The following CALD1 variants were observed in gnomAD, a reference collection of about 807,000 sequenced individuals.
CALD1 encodes the protein caldesmon.
CALD1 carries 33 observed loss-of-function variants against 99.9 expected under a neutral mutation model. The observed-to-expected ratio is 0.33, with a 90% CI of 0.25 to 0.44. The LOEUF is 0.44. Ranked by LOEUF, CALD1 falls within the 20% of genes least tolerant of loss-of-function variation. CALD1 has a pLI of 1.00. For missense variants in CALD1, 861 were observed against 962.1 expected (o/e 0.89, Z 1.39); for synonymous variants, 310 against 325.0 (o/e 0.95, Z 0.50).
chr7:134,921,907 G>C (rs568629397), intron 3 of CALD1, among the ~76,000 whole-genome samples: 1 of 152,084 alleles, frequency 6.6e-6, no homozygotes, highest in Non-Finnish European at 1.5e-5. Context: ...TACTTGCATC[G>C]TGCAATAGGG....
the CALD1 span, among the ~76,000 whole-genome samples, chr7:134,715,073 G>A: frequency 1.5e-4 from 23 of 152,294 alleles, no homozygotes; most frequent in Admixed American, 5.9e-4. Context: ...TACCCATGGG[G>A]CAAGGCTATG....
rs184897750 is a variant in CALD1, at chr7:134,762,153, T to C, written c.-130+17790T>C. Among the ~76,000 whole-genome samples, 35 of 152,290 alleles carry C rather than the reference T, an allele frequency of 2.3e-4. No individual in the cohort carries two copies. The East Asian group carries it at 6.4e-3, about 28-fold the overall frequency. ...TTGAATCTTGGACCTTATTACTGCA[T>C]TGAGGAAGAAGGCTGGTCCAAAGCC... is the stretch of plus-strand genomic sequence containing the variant. On this transcript the variant is annotated intron_variant, in intron 1 of 13. Coordinates refer to the CALD1 transcript ENST00000417172.
intron 2 of CALD1, among the ~76,000 whole-genome samples, chr7:134,857,604 G>A (rs1045223635): frequency 1.3e-5 from 2 of 151,988 alleles, no homozygotes; most frequent in Admixed American, 1.3e-4. Flanking sequence ...TAAAGAAAGA[G>A]GAAGCAATCT....
rs780231605 is a variant in CALD1, at chr7:134,947,497, C to G, written c.1533-11C>G. On this transcript the variant is annotated splice_polypyrimidine_tract_variant and intron_variant, in intron 7 of 14. Transcript: ENST00000361675. ...GCATGTAAACCCCTTTCCATTGCCC[C>G]CCAACCACAGCCGCCCTGGAGGGAG... 2 of 1,565,760 alleles carry G rather than the reference C, an allele frequency of 1.3e-6. No homozygotes were observed. The highest frequency in any genetic ancestry group is 8.7e-7 in the Non-Finnish European group (1 of 1,154,932).
At chr7:134,775,028 T>TA (rs5887706), upstream of CALD1, among the ~76,000 whole-genome samples, 2 of 151,942 alleles carry the variant, frequency 1.3e-5, no homozygotes, top group Admixed American at 6.5e-5. Flanking sequence ...TACCCTATGA[T>TA]AAAAAAAATT....
intron 2 of CALD1, among the ~76,000 whole-genome samples, chr7:134,867,230 A>G (rs969052708): frequency 1.3e-5 from 2 of 152,180 alleles, no homozygotes; most frequent in Admixed American, 1.3e-4. Context: ...ATGCCTAGAC[A>G]CTGTATTATT....
At chr7:134,897,327 C>T (rs1802645413) in intron 3 of CALD1, among the ~76,000 whole-genome samples, 1 of 150,330 alleles carries the variant, frequency 6.7e-6, no homozygotes, top group African/African-American at 2.4e-5. Flanking sequence ...TTTCCTGTGA[C>T]CTTCTGAAAT....
At chr7:134,799,721 G>A (rs573277705) in intron 1 of CALD1, among the ~76,000 whole-genome samples, 1 of 152,226 alleles carries the variant, frequency 6.6e-6, no homozygotes, top group South Asian at 2.1e-4. Flanking sequence ...AAGAGACCCT[G>A]CTTCACAACG....
intron 3 of CALD1, among the ~76,000 whole-genome samples, chr7:134,913,574 A>G (rs996889845): frequency 1.3e-5 from 2 of 152,254 alleles, no homozygotes; most frequent in African/African-American, 2.4e-5. Flanking sequence ...ATATGCATAC[A>G]TAAATGTATA....
the CALD1 span, among the ~76,000 whole-genome samples, chr7:134,739,110 G>A: frequency 7.9e-5 from 12 of 152,314 alleles, 1 homozygote; most frequent in African/African-American, 2.6e-4. Flanking sequence ...TAGAAGCAAC[G>A]TAAGTGGGGC....
Position 134,970,032 on chromosome 7 carries a change from A to C in CALD1, c.*1687A>C, listed in dbSNP as rs926174423. 3 of 152,330 alleles carry C rather than the reference A, an allele frequency of 2.0e-5. No homozygotes were observed. Among genetic ancestry groups the C allele is most frequent in the African/African-American group, 4.8e-5 (2 of 41,462 alleles). The allele number at this position is 152,330 out of a possible 1,614,324, so 9.4% of individuals were successfully genotyped here. On this transcript the variant is annotated 3_prime_UTR_variant, in exon 15 of 15. Transcript: ENST00000361675. Reference sequence around the variant, plus strand: ...GCATGAGAAGTGACATCTGCGTTACAAAGTCTATCTTCCTCATAAGTCTGT... The same window carrying C: ...GCATGAGAAGTGACATCTGCGTTACCAAGTCTATCTTCCTCATAAGTCTGT...
chr7:134,764,835 G>T (rs78098134), intron 1 of CALD1, among the ~76,000 whole-genome samples: 1 of 152,100 alleles, frequency 6.6e-6, no homozygotes, highest in Non-Finnish European at 1.5e-5. Flanking sequence ...GGTGCACTAC[G>T]TGATGTGGGG....
rs1010864249 is a variant in CALD1, at chr7:134,960,392, A to G, written c.2200-141A>G. On this transcript the variant is annotated intron_variant, in intron 12 of 14. Coordinates refer to ENST00000361675, the MANE Select transcript of CALD1 (RefSeq NM_033138.4). Reference sequence around the variant, plus strand: ...GTTACCAGGGAAAGAAAACCAGATAACATATTCTGTAAATATCAAGTGTTA... The same window carrying G: ...GTTACCAGGGAAAGAAAACCAGATAGCATATTCTGTAAATATCAAGTGTTA... The G allele has an allele frequency of 4.5e-6, 3 of 670,218 alleles. No individual in the cohort carries two copies. In the African/African-American group the frequency reaches 5.4e-5, roughly 12 times the overall value. 41.5% of individuals were successfully genotyped at this position (670,218 alleles called of 1,614,324 possible).
At chr7:134,767,922 C>A (rs1164185969) in intron 1 of CALD1, among the ~76,000 whole-genome samples, 1 of 152,210 alleles carries the variant, frequency 6.6e-6, no homozygotes, top group Non-Finnish European at 1.5e-5. Context: ...AATGAATAAA[C>A]AAATGAATAG....
chr7:134,899,394 G>T (rs1802818671), intron 3 of CALD1, among the ~76,000 whole-genome samples: 2 of 151,796 alleles, frequency 1.3e-5, no homozygotes, highest in South Asian at 4.2e-4. Flanking sequence ...GTAGAGACGG[G>T]GTTTCACCAT....
At chr7:134,903,623 A>G (rs567034522) in intron 3 of CALD1, among the ~76,000 whole-genome samples, 3 of 152,104 alleles carry the variant, frequency 2.0e-5, no homozygotes, top group East Asian at 1.9e-4. Context: ...CTGCCTTCAC[A>G]TGGCCAAGAT....
intron 3 of CALD1, among the ~76,000 whole-genome samples, chr7:134,871,846 A>T (rs1341971313): frequency 1.3e-5 from 2 of 152,260 alleles, no homozygotes; most frequent in African/African-American, 4.8e-5. Context: ...ACCACAGATT[A>T]AAATAAAGCG....
rs555054414 is a variant in CALD1 at position 134,783,247 on chromosome 7, C to T, written c.-130+3498C>T. ...TCTTTGCTTCTGTCTTTAGTGCTCC[C>T]AGCTGTAACCGACCCTAGTTGCATC... On this transcript the variant is annotated intron_variant, in intron 1 of 14. Coordinates refer to ENST00000361675, the MANE Select transcript of CALD1 (RefSeq NM_033138.4). The surrounding 1 kb of genome is among the most constrained non-coding windows in gnomAD (Gnocchi z 4.3). Among the ~76,000 whole-genome samples the T allele has an allele frequency of 6.6e-6, 1 of 152,278 alleles. No homozygotes were observed. Among genetic ancestry groups the T allele is most frequent in the East Asian group, 1.9e-4 (1 of 5,180 alleles).
intron 1 of CALD1, among the ~76,000 whole-genome samples, chr7:134,830,426 G>A (rs1444443189): frequency 8.6e-5 from 13 of 151,300 alleles, no homozygotes; most frequent in Admixed American, 8.6e-4. Flanking sequence ...TTAAGCTCAG[G>A]GCTACATGTG....
Sources: allele counts gnomAD v4.1 joint callset (sites outside exome capture counted in the v4.1 genomes callset), GRCh38; gene constraint gnomAD v4.1.1; non-coding constraint Gnocchi (gnomAD v3.1); transcripts MANE v1.5; gene names NCBI Gene and HGNC (gene_info 2026-07-23, HGNC 2026-07-21).